SSBP2: variants seen among roughly 807,000 people sequenced by gnomAD.
SSBP2 encodes single-stranded DNA-binding protein 2.
Under a neutral mutation model 61.8 loss-of-function variants are expected in SSBP2, and 17 were observed. The ratio of observed to expected loss-of-function variants is 0.28; its 90% CI spans 0.19 to 0.41. The LOEUF is 0.41. SSBP2 is among the 10% of genes least tolerant of loss of function. The pLI is 1.00. For synonymous variants in SSBP2, 139 were observed against 141.3 expected (o/e 0.98, Z 0.12); for missense variants, 310 against 458.7 (o/e 0.68, Z 2.96).
intron 4 of SSBP2, among the ~76,000 whole-genome samples, chr5:81,586,626 CAA>C (rs35214821): frequency 6.9e-4 from 79 of 114,218 alleles, no homozygotes; most frequent in South Asian, 1.1e-3. Context: ...CTGCAGTATG[CAA>C]AAAAAAAAAA....
chr5:81,744,965 G>T (rs1281648570), intron 1 of SSBP2, among the ~76,000 whole-genome samples: 4 of 152,018 alleles, frequency 2.6e-5, no homozygotes, highest in Admixed American at 2.6e-4. Flanking sequence ...GACTGCCCAG[G>T]CTGATTTGAG....
intron 1 of SSBP2, among the ~76,000 whole-genome samples, chr5:81,651,030 C>T (rs1561653869): frequency 6.6e-6 from 1 of 152,098 alleles, no homozygotes; most frequent in Non-Finnish European, 1.5e-5. Context: ...GTGTTGTATA[C>T]ACAAACTACT....
chr5:81,636,744 T>G, intron 2 of SSBP2, 126 bp from the exon 3 acceptor site: 1 of 831,570 alleles, frequency 1.2e-6, no homozygotes, highest in Non-Finnish European at 1.8e-6. Context: ...TCATGATATT[T>G]TTTACCCAAG....
chr5:81,611,456 AT>A (rs1228635572), intron 4 of SSBP2, among the ~76,000 whole-genome samples: 1 of 152,214 alleles, frequency 6.6e-6, no homozygotes, highest in Non-Finnish European at 1.5e-5. Flanking sequence ...ACTTAAAAAA[AT>A]CTTTAACTTA....
At chr5:81,546,948 T>C (rs1406036136) in intron 4 of SSBP2, among the ~76,000 whole-genome samples, 3 of 135,620 alleles carry the variant, frequency 2.2e-5, no homozygotes, top group Non-Finnish European at 4.5e-5. Context: ...CTCTTAAGAA[T>C]ACACGAGAAC....
At chr5:81,464,270 TATAAAA>T (rs1764744643) in intron 9 of SSBP2, among the ~76,000 whole-genome samples, 1 of 152,192 alleles carries the variant, frequency 6.6e-6, no homozygotes, top group South Asian at 2.1e-4. Flanking sequence ...TTTGGAAACT[TATAAAA>T]ATGTATTTAA....
chr5:81,611,915 C>G (rs1035301567), intron 4 of SSBP2, among the ~76,000 whole-genome samples: 3 of 152,052 alleles, frequency 2.0e-5, no homozygotes, highest in African/African-American at 7.2e-5. Flanking sequence ...TCTGGAGATC[C>G]ATTGTACAAC....
chr5:81,477,796 C>A lies in SSBP2; in HGVS notation c.433-3234G>T, dbSNP rs566946245. Among the ~76,000 whole-genome samples the A allele has an allele frequency of 6.6e-5, 10 of 152,104 alleles. No homozygotes were observed. The South Asian group carries it at 1.9e-3, about 28-fold the overall frequency. ...GGGACCCTATCTGTGCCTACTGTCA[C>A]AGAATAATAAATGTGTATTGAGGGA... On this transcript the variant is annotated intron_variant, in intron 6 of 16. Coordinates refer to ENST00000320672, the MANE Select transcript of SSBP2 (RefSeq NM_012446.5).
intron 5 of SSBP2, among the ~76,000 whole-genome samples, chr5:81,512,770 T>C (rs964425853): frequency 6.6e-6 from 1 of 152,152 alleles, no homozygotes; most frequent in Non-Finnish European, 1.5e-5. Flanking sequence ...CAAATGATTA[T>C]GAAGAACTCT....
intron 4 of SSBP2, among the ~76,000 whole-genome samples, chr5:81,609,970 C>T (rs1324967271): frequency 1.3e-5 from 2 of 152,208 alleles, no homozygotes. Flanking sequence ...CCACTGAGAA[C>T]TGTTTCATTG....
chr5:81,462,010 A>G (rs1298499364), intron 9 of SSBP2, among the ~76,000 whole-genome samples: 1 of 152,140 alleles, frequency 6.6e-6, no homozygotes, highest in Non-Finnish European at 1.5e-5. Context: ...AAGACAATGA[A>G]AATTTTTAAT....
intron 1 of SSBP2, among the ~76,000 whole-genome samples, chr5:81,731,332 T>C (rs1013418682): frequency 6.6e-6 from 1 of 152,140 alleles, no homozygotes; most frequent in Non-Finnish European, 1.5e-5. Flanking sequence ...ATAGTAATAA[T>C]AATGACTAAT....
intron 14 of SSBP2, among the ~76,000 whole-genome samples, chr5:81,440,154 G>A (rs1177469084): frequency 1.4e-5 from 2 of 139,018 alleles, no homozygotes; most frequent in African/African-American, 5.7e-5. Context: ...AGAGAACTGA[G>A]ATTCTTCTGA....
intron 4 of SSBP2, among the ~76,000 whole-genome samples, chr5:81,527,239 C>T (rs1370676626): frequency 1.3e-5 from 2 of 151,986 alleles, no homozygotes; most frequent in Non-Finnish European, 2.9e-5. Context: ...TCTGGTAGCT[C>T]TTTGAGAAAA....
chr5:81,545,405 A>G (rs1380497641), intron 4 of SSBP2, among the ~76,000 whole-genome samples: 1 of 152,210 alleles, frequency 6.6e-6, no homozygotes, highest in African/African-American at 2.4e-5. Context: ...TAAAAAACAT[A>G]CAAATACTAT....
intron 4 of SSBP2, among the ~76,000 whole-genome samples, chr5:81,591,653 T>G (rs1561576529): frequency 6.6e-6 from 1 of 152,132 alleles, no homozygotes; most frequent in South Asian, 2.1e-4. Context: ...AGACTGTCTT[T>G]GACAAACTCA....
At chr5:81,447,800 C>A (rs189871585) in intron 11 of SSBP2, 7 of 152,134 alleles carry the variant, frequency 4.6e-5, no homozygotes, top group African/African-American at 1.7e-4. Context: ...GATATATCAG[C>A]CTTATTCATT....
intron 8 of SSBP2, among the ~76,000 whole-genome samples, chr5:81,468,102 C>G (rs753191416): frequency 3.3e-5 from 5 of 151,996 alleles, no homozygotes; most frequent in Non-Finnish European, 5.9e-5. Flanking sequence ...TCAATATTAT[C>G]TTCTCATGAC....
chr5:81,636,032 G>A (rs1317524528), intron 3 of SSBP2, among the ~76,000 whole-genome samples: 1 of 152,102 alleles, frequency 6.6e-6, no homozygotes, highest in Admixed American at 6.6e-5. Context: ...TTTGGAGATG[G>A]GGTCTTTGGG....
Sources: allele counts gnomAD v4.1 joint callset (sites outside exome capture counted in the v4.1 genomes callset), GRCh38; gene constraint gnomAD v4.1.1; transcripts MANE v1.5; gene names NCBI Gene and HGNC (gene_info 2026-07-23, HGNC 2026-07-21).